SNX25: variants seen among roughly 807,000 people sequenced by gnomAD.
SNX25 encodes the protein sorting nexin-25.
A neutral mutation model predicts 113.7 loss-of-function variants in SNX25; 62 were observed. The observed-to-expected ratio is 0.55, with a 90% CI of 0.44 to 0.67. The LOEUF (loss-of-function observed/expected upper bound fraction) is 0.67, where lower values mean the gene tolerates loss of function less well. SNX25 is among the 30% of genes least tolerant of loss of function. The pLI, the probability that SNX25 is intolerant of heterozygous loss-of-function variation, is 0.00. For missense variants in SNX25, 1,014 were observed against 1,161.0 expected (o/e 0.87, Z 1.84); for synonymous variants, 421 against 436.2 (o/e 0.97, Z 0.43).
upstream of SNX25, among the ~76,000 whole-genome samples, chr4:185,205,272 G>A (rs1737138664): frequency 6.6e-6 from 1 of 152,124 alleles, no homozygotes; most frequent in East Asian, 1.9e-4. Flanking sequence ...TGACTAATAT[G>A]GTGAAACACT....
At position 185,210,722 on chromosome 4, in the gene SNX25, C is replaced by G. The variant is rs1737646959; in HGVS notation, c.429+467C>G. Among the ~76,000 whole-genome samples the G allele has an allele frequency of 6.6e-6, 1 of 151,996 alleles. No homozygotes were observed. Among genetic ancestry groups the G allele is most frequent in the African/African-American group, 2.4e-5 (1 of 41,384 alleles). Reference sequence around the variant, plus strand: ...AAACTTGCTTCGGTCCCTGGCCCAGCGCCTCACCCCCAAGCCCGCGTACCC... The same window carrying G: ...AAACTTGCTTCGGTCCCTGGCCCAGGGCCTCACCCCCAAGCCCGCGTACCC... On this transcript the variant is annotated intron_variant, in intron 1 of 18. Coordinates refer to ENST00000652585, the MANE Select transcript of SNX25 (RefSeq NM_001378034.2). The surrounding 1 kb of genome is among the most constrained non-coding windows in gnomAD (Gnocchi z 4.4).
chr4:185,353,774 G>A lies in SNX25; in HGVS notation c.2584+172G>A, dbSNP rs557134827. ...TTAAGAGCCAACCCAGGCCGGGCAC[G>A]GTGGCTCACGCCTGTAATCCCAGCA... On this transcript the variant is annotated intron_variant, in intron 15 of 18. Transcript: ENST00000652585. Among the ~76,000 whole-genome samples, 15 of 152,258 alleles carry A rather than the reference G, an allele frequency of 9.9e-5. No homozygotes were observed. In the South Asian group the frequency reaches 2.3e-3, roughly 23 times the overall value.
At chr4:185,338,064 G>A (rs1158025414) in intron 10 of SNX25, among the ~76,000 whole-genome samples, 1 of 152,202 alleles carries the variant, frequency 6.6e-6, no homozygotes, top group Admixed American at 6.5e-5. Flanking sequence ...ATCTGGAGAT[G>A]AAACCTCTGT....
At chr4:185,311,844 C>G (rs867179538) in intron 7 of SNX25, among the ~76,000 whole-genome samples, 1 of 152,182 alleles carries the variant, frequency 6.6e-6, no homozygotes, top group Non-Finnish European at 1.5e-5. Context: ...CCCCAGCATA[C>G]GCCAGGGTTC....
intron 1 of SNX25, among the ~76,000 whole-genome samples, chr4:185,228,766 G>C (rs1741384054): frequency 6.6e-6 from 1 of 152,172 alleles, no homozygotes; most frequent in African/African-American, 2.4e-5. Flanking sequence ...GAGAATAAGA[G>C]CAGAACCGTT....
chr4:185,330,468 C>T (rs1393092419), intron 9 of SNX25, among the ~76,000 whole-genome samples: 2 of 152,130 alleles, frequency 1.3e-5, no homozygotes, highest in Non-Finnish European at 2.9e-5. Context: ...GGTGCTTGTC[C>T]AAGATGGCGA....
intron 9 of SNX25, among the ~76,000 whole-genome samples, chr4:185,331,089 G>C (rs1166471273): frequency 1.3e-5 from 2 of 152,212 alleles, no homozygotes; most frequent in Admixed American, 1.3e-4. Context: ...CGGATTCAAA[G>C]AGGGCTGATA....
intron 1 of SNX25, among the ~76,000 whole-genome samples, chr4:185,225,118 CTTTTT>C (rs775220291): frequency 7.6e-6 from 1 of 132,086 alleles, no homozygotes. Context: ...TCTATGTCTT[CTTTTT>C]TTTTTTTTTT....
At chr4:185,276,089 G>T (rs74393653) in intron 5 of SNX25, among the ~76,000 whole-genome samples, 1 of 152,122 alleles carries the variant, frequency 6.6e-6, no homozygotes, top group Non-Finnish European at 1.5e-5. Context: ...TTATGTATTG[G>T]CAGCAATATA....
intron 9 of SNX25, among the ~76,000 whole-genome samples, chr4:185,328,488 T>C (rs1478512164): frequency 1.3e-5 from 2 of 152,144 alleles, no homozygotes; most frequent in Non-Finnish European, 2.9e-5. Flanking sequence ...GGAAAAAACC[T>C]TTTTCAGGAA....
At chr4:185,377,911 C>T in the SNX25 span, 2 of 578,978 alleles carry the variant, frequency 3.5e-6, no homozygotes, top group African/African-American at 3.8e-5. Flanking sequence ...GATTTGCTAC[C>T]AGATAAATGA....
upstream of SNX25, among the ~76,000 whole-genome samples, chr4:185,208,430 TAAGA>T (rs1257282511): frequency 6.6e-6 from 1 of 152,044 alleles, no homozygotes. Flanking sequence ...TTAGAAGGTT[TAAGA>T]AAGAATGAAA....
At chr4:185,271,250 G>A (rs1748883114) in intron 5 of SNX25, among the ~76,000 whole-genome samples, 1 of 152,166 alleles carries the variant, frequency 6.6e-6, no homozygotes, top group African/African-American at 2.4e-5. Flanking sequence ...GGAGGTATTT[G>A]GATTAGATAA....
At chr4:185,271,766 T>G (rs770639968) in intron 5 of SNX25, among the ~76,000 whole-genome samples, 2 of 152,258 alleles carry the variant, frequency 1.3e-5, no homozygotes, top group Non-Finnish European at 2.9e-5. Context: ...ATTTGAGAGA[T>G]GCGTATTTTC....
intron 2 of SNX25, among the ~76,000 whole-genome samples, chr4:185,257,021 G>A (rs1387205312): frequency 6.6e-6 from 1 of 152,060 alleles, no homozygotes; most frequent in Non-Finnish European, 1.5e-5. Flanking sequence ...ACACGTATAG[G>A]TTAGTTGTTC....
chr4:185,257,176 GAA>G (rs11332633), intron 2 of SNX25, among the ~76,000 whole-genome samples: 14,765 of 106,310 alleles, frequency 0.14, 889 homozygotes, highest in African/African-American at 0.22. Context: ...TTTGAAAAGT[GAA>G]AAAAAAAAAA....
At chr4:185,227,120 T>G (rs1741124158) in intron 1 of SNX25, among the ~76,000 whole-genome samples, 1 of 151,042 alleles carries the variant, frequency 6.6e-6, no homozygotes, top group African/African-American at 2.5e-5. Context: ...AGAAAGTCCC[T>G]TTTTGGAGCA....
chr4:185,300,927 G>A (rs1753588371), intron 6 of SNX25, among the ~76,000 whole-genome samples: 1 of 151,374 alleles, frequency 6.6e-6, no homozygotes, highest in East Asian at 2.0e-4. Context: ...TTGTTACAGT[G>A]TTTTATTATA....
At chr4:185,297,801 T>C (rs976082678) in intron 6 of SNX25, among the ~76,000 whole-genome samples, 43 of 151,906 alleles carry the variant, frequency 2.8e-4, no homozygotes, top group African/African-American at 9.5e-4. Flanking sequence ...ATCATGGGGC[T>C]TCTACCTTCA....
Sources: allele counts gnomAD v4.1 joint callset (sites outside exome capture counted in the v4.1 genomes callset), GRCh38; gene constraint gnomAD v4.1.1; non-coding constraint Gnocchi (gnomAD v3.1); transcripts MANE v1.5; gene names NCBI Gene and HGNC (gene_info 2026-07-23, HGNC 2026-07-21).